IFT172: variants seen among roughly 807,000 people sequenced by gnomAD.
IFT172 encodes the protein intraflagellar transport 172.
Under a neutral mutation model 248.9 loss-of-function variants are expected in IFT172, and 164 were observed. That is an observed-to-expected ratio of 0.66 (90% CI 0.58 to 0.75). IFT172 has a LOEUF of 0.75. Among genes scored for constraint, IFT172 ranks in the 30% least tolerant of loss-of-function variants. IFT172 has a pLI of 0.00. For synonymous variants in IFT172, 729 were observed against 791.6 expected, an observed-to-expected ratio of 0.92 and a Z score of 1.33; for missense variants, 1,950 against 2,192.4, an observed-to-expected ratio of 0.89 and a Z score of 2.21.
rs10635082 is a variant in IFT172 at position 27,444,653 on chromosome 2, T to TTTTG, written c.5161-136_5161-133dup. 0.45 allele frequency: 302,365 copies of TTTTG among 674,504 alleles called. 77,134 individuals carry two copies. Among genetic ancestry groups the TTTTG allele is most frequent in the African/African-American group, 0.86 (47,247 of 54,766 alleles). 41.8% of individuals were successfully genotyped at this position (674,504 alleles called of 1,614,324 possible). ...CATCTTTCTAGTGTGTATGTGGGTT[T>TTTTG]TTTGTTTGTTTTGAGACAAAGTCTT... On this transcript the variant is annotated intron_variant, in intron 47 of 47. Coordinates refer to ENST00000260570, the MANE Select transcript of IFT172 (RefSeq NM_015662.3).
At chr2:27,444,656 T>G (rs1664870300) in intron 47 of IFT172, 135 bp from the exon 48 acceptor site, 1 of 710,518 alleles carries the variant, frequency 1.4e-6, no homozygotes, top group Non-Finnish European at 2.4e-6. Flanking sequence ...GTGGGTTTTT[T>G]GTTTGTTTTG....
rs1394529695 is a variant in IFT172 at position 27,454,261 on chromosome 2, T to C, written c.3530+93A>G. The C allele has an allele frequency of 3.7e-6, 6 of 1,603,820 alleles. No individual in the cohort carries two copies. Among genetic ancestry groups the C allele is most frequent in the Non-Finnish European group, 5.1e-6 (6 of 1,171,020 alleles). On this transcript the variant is annotated intron_variant, in intron 32 of 47. Coordinates refer to ENST00000260570, the MANE Select transcript of IFT172 (RefSeq NM_015662.3). The surrounding 1 kb of genome is among the most constrained non-coding windows in gnomAD (Gnocchi z 4.2). Reference sequence around the variant, plus strand: ...GTCACTGAGGGGTGTAACACTGATTTGTTCTAGGTTTGAATGAAGGTCAAG... The same window carrying C: ...GTCACTGAGGGGTGTAACACTGATTCGTTCTAGGTTTGAATGAAGGTCAAG...
chr2:27,483,815 TC>T, intron 5 of IFT172, 56 bp downstream of exon 5: 1 of 1,497,156 alleles, frequency 6.7e-7, no homozygotes, highest in Non-Finnish European at 9.3e-7. Flanking sequence ...CATATTCCTC[TC>T]TCCAGAACCA....
At position 27,453,410 on chromosome 2, in the gene IFT172, C is replaced by T. The variant is rs761699238; in HGVS notation, c.3925G>A (p.Gly1309Ser). The part of the protein sequence containing the change: ...YLKVRDSGNS[G>S]LAEKCWMKAA... ...TTCATCCAGCACTTCTCCGCCAGGC[C>T]GCTGTTTCCAGAGTCTCGCACTTTG... is the stretch of plus-strand genomic sequence containing the variant. Residue 1309 changes from glycine (G) to serine (S), a missense_variant, in exon 35 of 48, where the codon GGC becomes AGC. Physicochemically the swap from Gly to Ser is moderately conservative, Grantham distance 56 (BLOSUM62 0). This residue lies in a region of IFT172 where 620 missense variants were observed against 699.0 expected (regional missense o/e 0.89). Coordinates refer to ENST00000260570, the MANE Select transcript of IFT172 (RefSeq NM_015662.3). The T allele has an allele frequency of 8.1e-6, 13 of 1,614,204 alleles. No homozygotes were observed. Among genetic ancestry groups the T allele is most frequent in the Middle Eastern group, 1.6e-4 (1 of 6,062 alleles).
intron 42 of IFT172, 71 bp downstream of exon 42, chr2:27,447,444 A>G (rs1293861112): frequency 6.4e-7 from 1 of 1,561,600 alleles, no homozygotes; most frequent in Non-Finnish European, 8.7e-7. Flanking sequence ...CAGAACGTGA[A>G]TCAATTCAGC....
chr2:27,463,034 G>A, intron 19 of IFT172, 63 bp downstream of exon 19: 1 of 1,556,106 alleles, frequency 6.4e-7, no homozygotes, highest in Non-Finnish European at 8.9e-7. Flanking sequence ...GAATCATGGG[G>A]CTGAATACTA....
chr2:27,461,590 C>T, intron 21 of IFT172, 73 bp from the exon 22 acceptor site: 2 of 1,561,866 alleles, frequency 1.3e-6, no homozygotes, highest in Admixed American at 1.7e-5. Context: ...CTTCTCCAAT[C>T]CCTCTATAAC....
At chr2:27,474,363 G>C (rs1240512918) in intron 14 of IFT172, among the ~76,000 whole-genome samples, 2 of 152,146 alleles carry the variant, frequency 1.3e-5, no homozygotes, top group African/African-American at 4.8e-5. Flanking sequence ...TTACAAATTA[G>C]TGGGTGAAGA....
intron 20 of IFT172, 98 bp downstream of exon 20, chr2:27,462,603 T>A: frequency 9.7e-7 from 1 of 1,030,008 alleles, no homozygotes; most frequent in East Asian, 2.4e-5. Context: ...TTTGGAAGCC[T>A]AGTTCACCAG....
In IFT172 at chr2:27,445,017, G is replaced by C; in HGVS notation, c.5157C>G (p.Ile1719Met). 5 of 1,613,628 alleles carry C rather than the reference G, an allele frequency of 3.1e-6. No individual in the cohort carries two copies. The highest frequency in any genetic ancestry group is 4.2e-6 in the Non-Finnish European group (5 of 1,179,908). ...TCTCCAAGTCCTCCTCTCTAACCTT[G>C]ATGGCCATAAGGAATTTATTCCAGT... is the stretch of plus-strand genomic sequence containing the variant. ...KDNWNKFLMA[I>M]KTSHSPVCQD... is the part of the protein sequence containing the mutation. Residue 1719 changes from isoleucine to methionine, a missense_variant, in exon 47 of 48, where the codon ATC becomes ATG. Ile to Met is a conservative substitution (Grantham distance 10, BLOSUM62 1). This residue lies in a region of IFT172 where 620 missense variants were observed against 699.0 expected (regional missense o/e 0.89). Transcript: ENST00000260570. This position sits in a 1 kb window ranked among gnomAD's most constrained non-coding sequence, Gnocchi z 4.4.
At chr2:27,458,981 G>C (rs1308372954) in intron 25 of IFT172, 113 bp from the exon 26 acceptor site, 3 of 1,035,912 alleles carry the variant, frequency 2.9e-6, no homozygotes, top group Middle Eastern at 2.1e-4. Flanking sequence ...ATACAACCTT[G>C]TAATAATAGA....
chr2:27,449,391 G>C lies in IFT172; in HGVS notation c.4225-11C>G. 1.2e-6 allele frequency: 2 copies of C among 1,614,126 alleles called. No homozygotes were observed. Among genetic ancestry groups the C allele is most frequent in the African/African-American group, 1.3e-5 (1 of 75,042 alleles). Reference sequence around the variant, plus strand: ...ATCCACACCCACCAGCTGGGTCAATGGAAGACAGAGTTACAAGAGAAAAGA... The same window carrying C: ...ATCCACACCCACCAGCTGGGTCAATCGAAGACAGAGTTACAAGAGAAAAGA... On this transcript the variant is annotated splice_polypyrimidine_tract_variant and intron_variant, in intron 38 of 47. Coordinates refer to ENST00000260570, the MANE Select transcript of IFT172 (RefSeq NM_015662.3).
At position 27,458,256 on chromosome 2, in the gene IFT172, TC is replaced by T. The variant is rs763701315; in HGVS notation, c.2878-34del. 375 of 1,576,152 alleles carry T rather than the reference TC, an allele frequency of 2.4e-4. 1 individual carries two copies. The highest frequency in any genetic ancestry group is 2.7e-4 in the Non-Finnish European group (304 of 1,145,526). ...GGCACAGAGGCAAGGCAGCCTCAGA[TC>T]CAATTCCCCAGGGAAGCAGGGCTTC... On this transcript the variant is annotated intron_variant, in intron 26 of 47. Coordinates refer to ENST00000260570, the MANE Select transcript of IFT172 (RefSeq NM_015662.3).
chr2:27,445,227 A>G lies in IFT172; in HGVS notation c.5068+69T>C. ...TTTGTACCCTTTACTGAATCCTAGT[A>G]AAATTAAGTTTATTGATCCTGCTGC... On this transcript the variant is annotated intron_variant, in intron 46 of 47. Coordinates refer to ENST00000260570, the MANE Select transcript of IFT172 (RefSeq NM_015662.3). The surrounding 1 kb of genome is among the most constrained non-coding windows in gnomAD (Gnocchi z 4.4). 3.2e-6 allele frequency: 5 copies of G among 1,582,788 alleles called. No homozygotes were observed. The highest frequency in any genetic ancestry group is 4.3e-6 in the Non-Finnish European group (5 of 1,162,872).
chr2:27,472,354 T>C lies in IFT172; in HGVS notation c.1420A>G (p.Ile474Val), dbSNP rs746233698. The C allele has an allele frequency of 1.9e-6, 3 of 1,613,458 alleles. No homozygotes were observed. Among genetic ancestry groups the C allele is most frequent in the Non-Finnish European group, 2.5e-6 (3 of 1,179,478 alleles). The change falls in exon 15 of 48, where the codon ATT becomes GTT. Residue 474 changes from isoleucine to valine, a missense_variant. Ile to Val is a conservative substitution (Grantham distance 29). Around this residue, in one of 3 missense-constraint regions of IFT172, gnomAD observed 1,166 missense variants for 1,254.1 expected, o/e 0.93. Transcript: ENST00000260570. ...ACGGTGCCAATGTTGTAGCCACCAA[T>C]CAGATCCACTATAGAATAAAGGAGA... is the stretch of plus-strand genomic sequence containing the variant. Reference protein sequence around the residue: ...DIKTIAIVDLIGGYNIGTVSH... With the variant: ...DIKTIAIVDLVGGYNIGTVSH...
rs1296179714 is a variant in IFT172 at position 27,445,460 on chromosome 2, CAAG to C, written c.4915-14_4915-12del. 1.9e-6 allele frequency: 3 copies of C among 1,607,202 alleles called. No individual in the cohort carries two copies. The highest frequency in any genetic ancestry group is 8.5e-7 in the Non-Finnish European group (1 of 1,176,730). On this transcript the variant is annotated splice_polypyrimidine_tract_variant and intron_variant, in intron 45 of 47. Coordinates refer to ENST00000260570, the MANE Select transcript of IFT172 (RefSeq NM_015662.3). This position sits in a 1 kb window ranked among gnomAD's most constrained non-coding sequence, Gnocchi z 4.4. ...TTCTCTCTCAGCCTCCTGGAAAGGA[CAAG>C]AAGGGAGTGGTAGCTTCACACAGGG...
In IFT172 at chr2:27,481,031, G is replaced by A; in HGVS notation, c.785+15C>T. The A allele has an allele frequency of 1.2e-6, 2 of 1,604,546 alleles. No homozygotes were observed. The highest frequency in any genetic ancestry group is 1.7e-6 in the Non-Finnish European group (2 of 1,171,742). ...GGGAAAGTAGGCAGTAGATAAAACT[G>A]GAAAGGGGACTTACCTGTCATAACT... On this transcript the variant is annotated intron_variant, in intron 8 of 47. Coordinates refer to ENST00000260570, the MANE Select transcript of IFT172 (RefSeq NM_015662.3).
At chr2:27,476,506 C>A in intron 14 of IFT172, 135 bp downstream of exon 14, 1 of 596,900 alleles carries the variant, frequency 1.7e-6, no homozygotes, top group East Asian at 2.9e-5. Flanking sequence ...CATATATATC[C>A]ACTGTACATG....
intron 24 of IFT172, 22 bp from the exon 25 acceptor site, chr2:27,459,544 T>C: frequency 5.6e-6 from 9 of 1,613,380 alleles, no homozygotes; most frequent in East Asian, 2.2e-5. Flanking sequence ...GGGAAAGATA[T>C]AAATATGTAG....
Sources: gnomAD v4.1 joint callset for allele counts (sites outside exome capture counted in the v4.1 genomes callset) on GRCh38, gnomAD v4.1.1 for gene constraint, gnomAD v4.1.1 regional missense constraint, Gnocchi (gnomAD v3.1) non-coding constraint, MANE v1.5 for transcripts, NCBI Gene and HGNC (gene_info 2026-07-23, HGNC 2026-07-21) for gene names.